The following CNTLN variants were observed in gnomAD, a reference collection of about 807,000 sequenced individuals.
CNTLN encodes the protein centlein.
CNTLN carries 212 observed loss-of-function variants against 180.0 expected under a neutral mutation model. The observed-to-expected ratio is 1.18, with a 90% CI of 1.05 to 1.32. The LOEUF (loss-of-function observed/expected upper bound fraction) is 1.32. Among genes scored for constraint, CNTLN ranks in the 40% most tolerant of loss-of-function variants. The pLI is 0.00. For missense variants in CNTLN, 2,095 were observed against 1,610.9 expected (o/e 1.30, Z -5.14); for synonymous variants, 722 against 563.1 (o/e 1.28, Z -3.99).
rs889644286 is a variant in CNTLN, at chr9:17,457,654, C to G, written c.3245C>G (p.Thr1082Arg). The G allele has an allele frequency of 6.5e-7, 1 of 1,543,792 alleles. No individual in the cohort carries two copies. Among genetic ancestry groups the G allele is most frequent in the African/African-American group, 1.4e-5 (1 of 71,746 alleles). The change falls in exon 19 of 26, where the codon ACA (threonine) becomes AGA (arginine). Residue 1082 changes from threonine (T) to arginine (R), a missense_variant. Transcript: ENST00000380647. ...SQVTFPRIQV[T>R]SLSPSRSMDL... ...GTAACATTTCCACGGATACAAGTTA[C>G]ATCACTTAGTCCTTCAAGGAGCATG... is the stretch of plus-strand genomic sequence containing the variant.
At chr9:17,301,706 A>T in intron 7 of CNTLN, 2 of 954,992 alleles carry the variant, frequency 2.1e-6, no homozygotes, top group Non-Finnish European at 1.2e-6. Context: ...ATTTGAAAAT[A>T]TTCTTCTTAT....
chr9:17,216,659 TG>T (rs765340586), intron 2 of CNTLN, among the ~76,000 whole-genome samples: 6 of 152,218 alleles, frequency 3.9e-5, no homozygotes, highest in Non-Finnish European at 7.4e-5. Context: ...CATGTTTGCA[TG>T]TTTGATAGGG....
chr9:17,246,413 C>T (rs532294020), intron 5 of CNTLN, among the ~76,000 whole-genome samples: 1 of 152,250 alleles, frequency 6.6e-6, no homozygotes, highest in South Asian at 2.1e-4. Flanking sequence ...GAATCTTTCT[C>T]TATATGAGCT....
At chr9:17,523,323 G>A in the CNTLN span, among the ~76,000 whole-genome samples, 8 of 152,178 alleles carry the variant, frequency 5.3e-5, no homozygotes, top group East Asian at 5.8e-4. Context: ...TGCAACCTCC[G>A]CGTCCTGGTT....
intron 2 of CNTLN, among the ~76,000 whole-genome samples, chr9:17,147,363 A>G (rs2779771): frequency 0.21 from 31,311 of 152,090 alleles, 3,531 homozygotes; most frequent in East Asian, 0.43. Context: ...CTGAACATGG[A>G]TGAGTGGGAG....
chr9:17,399,068 C>T (rs1047460333), intron 15 of CNTLN, among the ~76,000 whole-genome samples: 3 of 152,166 alleles, frequency 2.0e-5, no homozygotes, highest in Non-Finnish European at 2.9e-5. Context: ...ATTTGCCTTC[C>T]TACAATTTGC....
intron 5 of CNTLN, among the ~76,000 whole-genome samples, chr9:17,260,774 G>C (rs2132363227): frequency 6.6e-6 from 1 of 151,422 alleles, no homozygotes; most frequent in Non-Finnish European, 1.5e-5. Flanking sequence ...CCTGTGTCCA[G>C]AATGGTATTG....
chr9:17,371,469 G>A (rs146597209), intron 13 of CNTLN, among the ~76,000 whole-genome samples: 1 of 152,178 alleles, frequency 6.6e-6, no homozygotes, highest in African/African-American at 2.4e-5. Flanking sequence ...GATATATAAA[G>A]CAAATATTAT....
chr9:17,475,007 T>C (rs1406570576), intron 23 of CNTLN, among the ~76,000 whole-genome samples: 3 of 152,218 alleles, frequency 2.0e-5, no homozygotes, highest in African/African-American at 7.2e-5. Flanking sequence ...TTCTGCAACT[T>C]CACTTTCTAC....
chr9:17,237,519 TAAAAAAA>T (rs756282702), intron 5 of CNTLN, among the ~76,000 whole-genome samples: 25 of 151,580 alleles, frequency 1.6e-4, no homozygotes, highest in African/African-American at 6.1e-4. Flanking sequence ...ATACAATAAT[TAAAAAAA>T]ACAAGTAAAA....
Position 17,484,469 on chromosome 9 carries a change from GAAGATCAAGTGGT to G in CNTLN, c.4038_4041+9del, listed in dbSNP as rs1308398342. 5 of 1,596,342 alleles carry G rather than the reference GAAGATCAAGTGGT, an allele frequency of 3.1e-6. No homozygotes were observed. Among genetic ancestry groups the G allele is most frequent in the Non-Finnish European group, 4.3e-6 (5 of 1,175,520 alleles). On this transcript the variant is annotated splice_donor_variant and coding_sequence_variant, in exon 24 of 26. Coordinates refer to ENST00000380647, the MANE Select transcript of CNTLN (RefSeq NM_017738.4). LOFTEE classifies it high-confidence loss of function. Reference sequence around the variant, plus strand: ...AGATTTAGAGGAAATATTAGACACAGAAGATCAAGTGGTAAGATCATTTAAATATTTATTATTA... The same window carrying G: ...AGATTTAGAGGAAATATTAGACACAGAAGATCATTTAAATATTTATTATTA...
chr9:17,237,264 C>T (rs903366602), intron 5 of CNTLN, among the ~76,000 whole-genome samples: 11 of 128,378 alleles, frequency 8.6e-5, no homozygotes, highest in African/African-American at 3.8e-4. Context: ...TATTAAATTA[C>T]ATTTTTTTTT....
intron 2 of CNTLN, among the ~76,000 whole-genome samples, chr9:17,143,912 G>T (rs1161629624): frequency 6.6e-6 from 1 of 152,166 alleles, no homozygotes; most frequent in East Asian, 1.9e-4. Flanking sequence ...CCTCTCCTTG[G>T]TTATTAGAAA....
chr9:17,321,465 C>T (rs1819906526), intron 8 of CNTLN, among the ~76,000 whole-genome samples: 1 of 152,014 alleles, frequency 6.6e-6, no homozygotes, highest in African/African-American at 2.4e-5. Flanking sequence ...GTCTTAAGTT[C>T]AATAAATGCT....
At chr9:17,245,644 C>G (rs969913268) in intron 5 of CNTLN, among the ~76,000 whole-genome samples, 26 of 152,170 alleles carry the variant, frequency 1.7e-4, no homozygotes, top group African/African-American at 6.0e-4. Flanking sequence ...AGCCTGACCT[C>G]TCTCTACCTC....
chr9:17,415,090 G>GA (rs1030166890), intron 16 of CNTLN, among the ~76,000 whole-genome samples: 1,785 of 132,646 alleles, frequency 0.013, 14 homozygotes, highest in Non-Finnish European at 0.016. Flanking sequence ...TGTCTCAAAA[G>GA]AAAAAAAAAA....
intron 5 of CNTLN, among the ~76,000 whole-genome samples, chr9:17,243,938 C>G (rs1381138970): frequency 1.3e-5 from 2 of 151,996 alleles, no homozygotes; most frequent in African/African-American, 4.8e-5. Context: ...GTATTGGGGA[C>G]TATCTTTCTT....
rs545886964 is a variant in CNTLN, at chr9:17,303,076, T to C, written c.1146+4724T>C. Among the ~76,000 whole-genome samples the C allele has an allele frequency of 3.3e-5, 5 of 152,334 alleles. No individual in the cohort carries two copies. In the South Asian group the frequency reaches 1.0e-3, roughly 32 times the overall value. ...CAACCTGATGTGGTATTGTTATTTT[T>C]ATCCCTGTTTGTAGATCAGGTAACT... On this transcript the variant is annotated intron_variant, in intron 7 of 25. Coordinates refer to ENST00000380647, the MANE Select transcript of CNTLN (RefSeq NM_017738.4).
In CNTLN at chr9:17,215,172, A is replaced by G. The variant is rs542210025; in HGVS notation, c.450-11031A>G. ...AGCTTTTCTGCTCTGTTTTTTCCCCATCTTTGTAGTTTTATCTACCTTTGG... is the reference window on the plus strand; with the variant it reads ...AGCTTTTCTGCTCTGTTTTTTCCCCGTCTTTGTAGTTTTATCTACCTTTGG... On this transcript the variant is annotated intron_variant, in intron 2 of 25. Transcript: ENST00000380647. Among the ~76,000 whole-genome samples, 11 of 152,150 alleles carry G rather than the reference A, an allele frequency of 7.2e-5. No homozygotes were observed. In the South Asian group the frequency reaches 2.1e-3, roughly 29 times the overall value.
Sources: gnomAD v4.1 joint callset for allele counts (sites outside exome capture counted in the v4.1 genomes callset) on GRCh38, gnomAD v4.1.1 for gene constraint, MANE v1.5 for transcripts, NCBI Gene and HGNC (gene_info 2026-07-23, HGNC 2026-07-21) for gene names.